TBC1D16: variants seen among roughly 807,000 people sequenced by gnomAD.
TBC1D16 encodes the protein TBC1 domain family member 16, also known as CTD-2529O21.1.
TBC1D16 carries 58 observed loss-of-function variants against 74.7 expected under a neutral mutation model. The observed-to-expected ratio is 0.78, with a 90% confidence interval of 0.63 to 0.97. The LOEUF is 0.97. Among genes scored for constraint, TBC1D16 ranks in the 50% least tolerant of loss-of-function variants. The pLI is 0.00. For synonymous variants in TBC1D16, 493 were observed against 474.7 expected (o/e 1.04, Z -0.50); for missense variants, 1,014 against 1,079.5 (o/e 0.94, Z 0.85).
intron 1 of TBC1D16, among the ~76,000 whole-genome samples, chr17:80,027,830 T>G (rs1477582123): frequency 6.8e-6 from 1 of 146,588 alleles, no homozygotes; most frequent in Non-Finnish European, 1.5e-5. Flanking sequence ...AGGCAGAGGT[T>G]GCAGTGAGCT....
intron 9 of TBC1D16, 22 bp from the exon 10 acceptor site, chr17:79,945,109 G>T (rs145949792): frequency 6.4e-7 from 1 of 1,559,384 alleles, no homozygotes; most frequent in Non-Finnish European, 8.7e-7. Flanking sequence ...GCCGTCACGC[G>T]TTAGTTAGCT....
intron 11 of TBC1D16, 49 bp downstream of exon 11, chr17:79,942,011 G>A: frequency 1.3e-6 from 2 of 1,513,494 alleles, no homozygotes; most frequent in South Asian, 2.4e-5. Flanking sequence ...TGGTGGGGTG[G>A]GGCTTTGGGG....
chr17:80,004,592 C>T (rs2035607268), intron 3 of TBC1D16, among the ~76,000 whole-genome samples: 1 of 152,196 alleles, frequency 6.6e-6, no homozygotes, highest in African/African-American at 2.4e-5. Flanking sequence ...CCTCCTCTGC[C>T]GTTGGATTCT....
Position 80,005,657 on chromosome 17 carries a change from G to A in TBC1D16, c.779+4503C>T, listed in dbSNP as rs557726228. Among the ~76,000 whole-genome samples, 26 of 152,280 alleles carry A rather than the reference G, an allele frequency of 1.7e-4. No homozygotes were observed. The South Asian group carries it at 2.5e-3, about 15-fold the overall frequency. On this transcript the variant is annotated intron_variant, in intron 3 of 11. Coordinates refer to ENST00000310924, the MANE Select transcript of TBC1D16 (RefSeq NM_019020.4). ...TCACCCCATCCCCCAAGTCAGCCTC[G>A]AATACTCACTTGGTCAAGGATTTCC...
chr17:80,011,510 G>C (rs1174720287), intron 2 of TBC1D16, among the ~76,000 whole-genome samples: 1 of 152,116 alleles, frequency 6.6e-6, no homozygotes, highest in Non-Finnish European at 1.5e-5. Flanking sequence ...ATGGAGGCTG[G>C]AGACTTCATT....
chr17:80,024,105 G>GAGCAGCTC (rs1184918091), intron 1 of TBC1D16: 1 of 150,200 alleles, frequency 6.7e-6, no homozygotes, highest in Non-Finnish European at 1.5e-5. Flanking sequence ...CCGCGACAAA[G>GAGCAGCTC]CGCAGCTCCG....
In TBC1D16 at chr17:79,961,548, T is replaced by C. The variant is rs2033615646; in HGVS notation, c.780-8730A>G. ...GTGCAAAGACTTGCACATAAATGTG[T>C]GTAACAGCTTTATCTAAAATAGCTA... is the stretch of plus-strand genomic sequence containing the variant. On this transcript the variant is annotated intron_variant, in intron 3 of 11. Transcript: ENST00000310924. The surrounding 1 kb of genome is among the most constrained non-coding windows in gnomAD (Gnocchi z 4.8). Among the ~76,000 whole-genome samples the C allele has an allele frequency of 6.6e-6, 1 of 152,214 alleles. No individual in the cohort carries two copies. The highest frequency in any genetic ancestry group is 2.1e-4 in the South Asian group (1 of 4,834).
Position 79,950,391 on chromosome 17 carries a change from T to G in TBC1D16, c.1257+20A>C. The G allele has an allele frequency of 1.3e-6, 2 of 1,585,914 alleles. No homozygotes were observed. The highest frequency in any genetic ancestry group is 1.7e-6 in the Non-Finnish European group (2 of 1,166,348). On this transcript the variant is annotated intron_variant, in intron 6 of 11. Coordinates refer to ENST00000310924, the MANE Select transcript of TBC1D16 (RefSeq NM_019020.4). This position sits in a 1 kb window ranked among gnomAD's most constrained non-coding sequence, Gnocchi z 4.6. ...CCGGCCGGCTCTCCGCGGGGCCAGC[T>G]GGGCGGACCCGGACCTCACCTTCCG...
rs1937831074 is a variant in TBC1D16, at chr17:79,983,945, C to A, written c.779+26215G>T. ...GCAGGGGTATGATCTCGGCTTACTG[C>A]AGCCTTGATCTCCCAGGCTTAAGGG... On this transcript the variant is annotated intron_variant, in intron 3 of 11. Coordinates refer to ENST00000310924, the MANE Select transcript of TBC1D16 (RefSeq NM_019020.4). This position sits in a 1 kb window ranked among gnomAD's most constrained non-coding sequence, Gnocchi z 5.6. Among the ~76,000 whole-genome samples the A allele has an allele frequency of 6.6e-6, 1 of 152,132 alleles. No homozygotes were observed.
chr17:80,024,311 C>G (rs374020965), intron 1 of TBC1D16, among the ~76,000 whole-genome samples: 24 of 150,684 alleles, frequency 1.6e-4, no homozygotes, highest in Middle Eastern at 6.8e-3. Context: ...CCCCACACCA[C>G]GCACACCATA....
chr17:79,952,773 G>A lies in TBC1D16; in HGVS notation c.825C>T (p.Asn275=), dbSNP rs751148534. 7.4e-6 allele frequency: 12 copies of A among 1,611,756 alleles called. No homozygotes were observed. Among genetic ancestry groups the A allele is most frequent in the African/African-American group, 4.0e-5 (3 of 74,914 alleles). Residue 275 remains asparagine, a synonymous_variant, in exon 4 of 12, where the codon AAC becomes AAT. Transcript: ENST00000310924. Reference sequence around the variant, plus strand: ...CCCAGCGTGGGGTCTGCAGGAGGCCGTTGCTGTCCGGGAACCGCAGGCCGG... The same window carrying A: ...CCCAGCGTGGGGTCTGCAGGAGGCCATTGCTGTCCGGGAACCGCAGGCCGG... ...SDAGLRFPDS[N]GLLQTPRWDE...
chr17:79,965,906 T>C (rs866899284), intron 3 of TBC1D16, among the ~76,000 whole-genome samples: 1 of 152,202 alleles, frequency 6.6e-6, no homozygotes, highest in Non-Finnish European at 1.5e-5. Context: ...GCCCCACACA[T>C]TGGCCTGGTC....
intron 1 of TBC1D16, among the ~76,000 whole-genome samples, chr17:80,031,336 C>A (rs2036768445): frequency 6.6e-6 from 1 of 152,186 alleles, no homozygotes. Context: ...CAGGATACAC[C>A]CGGAAAGCCT....
intron 3 of TBC1D16, among the ~76,000 whole-genome samples, chr17:79,997,111 G>A (rs1309238603): frequency 6.6e-6 from 1 of 152,196 alleles, no homozygotes; most frequent in East Asian, 1.9e-4. Context: ...GGGCAGCGTG[G>A]AGGAACCCTG....
rs994961719 is a variant in TBC1D16 at position 79,954,441 on chromosome 17, G to A, written c.780-1623C>T. Among the ~76,000 whole-genome samples, 9 of 152,240 alleles carry A rather than the reference G, an allele frequency of 5.9e-5. No homozygotes were observed. Among genetic ancestry groups the A allele is most frequent in the African/African-American group, 1.2e-4 (5 of 41,534 alleles). On this transcript the variant is annotated intron_variant, in intron 3 of 11. Transcript: ENST00000310924. The surrounding 1 kb of genome is among the most constrained non-coding windows in gnomAD (Gnocchi z 5.5). ...CCCCACCTGCCTAAGGAAGTCAGCCGAACAGGTCCTCCCACTGCTGGGGCC... is the reference window on the plus strand; with the variant it reads ...CCCCACCTGCCTAAGGAAGTCAGCCAAACAGGTCCTCCCACTGCTGGGGCC...
At chr17:80,015,574 G>A (rs2036058514) in intron 1 of TBC1D16, among the ~76,000 whole-genome samples, 3 of 152,250 alleles carry the variant, frequency 2.0e-5, no homozygotes, top group Admixed American at 6.5e-5. Context: ...AGAGGTCAGG[G>A]GGCTGGGAGA....
intron 3 of TBC1D16, among the ~76,000 whole-genome samples, chr17:80,002,148 GA>G (rs1272185475): frequency 3.3e-5 from 5 of 152,174 alleles, no homozygotes; most frequent in Non-Finnish European, 5.9e-5. Context: ...CTCCTGCAAG[GA>G]TGCTTCCCAG....
At position 79,983,980 on chromosome 17, in the gene TBC1D16, C is replaced by A. The variant is rs2034704566; in HGVS notation, c.779+26180G>T. Among the ~76,000 whole-genome samples the A allele has an allele frequency of 6.6e-6, 1 of 151,726 alleles. No homozygotes were observed. The highest frequency in any genetic ancestry group is 2.1e-4 in the South Asian group (1 of 4,816). ...CTCCCAGGCTTAAGGGATCCTCCCT[C>A]CTCAGCCTCCCTGAGTAGCTGGGAC... On this transcript the variant is annotated intron_variant, in intron 3 of 11. Coordinates refer to ENST00000310924, the MANE Select transcript of TBC1D16 (RefSeq NM_019020.4). The surrounding 1 kb of genome is among the most constrained non-coding windows in gnomAD (Gnocchi z 5.6).
intron 11 of TBC1D16, 54 bp downstream of exon 11, chr17:79,942,006 G>C: frequency 6.6e-7 from 1 of 1,504,470 alleles, no homozygotes. Flanking sequence ...CGAGCTGGTG[G>C]GGTGGGGCTT....
Sources: gnomAD v4.1 joint callset for allele counts (sites outside exome capture counted in the v4.1 genomes callset) on GRCh38, gnomAD v4.1.1 for gene constraint, Gnocchi (gnomAD v3.1) non-coding constraint, MANE v1.5 for transcripts, NCBI Gene and HGNC (gene_info 2026-07-23, HGNC 2026-07-21) for gene names.